Variants in ITGA9 observed in about 807,000 individuals in gnomAD.
ITGA9 encodes the protein integrin subunit alpha 9, also known as integrin alpha-9.
A neutral mutation model predicts 127.8 loss-of-function variants in ITGA9; 56 were observed. The ratio of observed to expected loss-of-function variants is 0.44; its 90% CI spans 0.35 to 0.55. The LOEUF (loss-of-function observed/expected upper bound fraction) is 0.55, where lower values mean the gene tolerates loss of function less well. Among genes scored for constraint, ITGA9 ranks in the 20% least tolerant of loss-of-function variants. The pLI is 0.00. For synonymous variants in ITGA9, 508 were observed against 514.5 expected (o/e 0.99, Z 0.17); for missense variants, 1,196 against 1,347.1 (o/e 0.89, Z 1.76).
At chr3:37,519,122 C>A in intron 10 of ITGA9, 138 bp from the exon 11 acceptor site, 1 of 676,146 alleles carries the variant, frequency 1.5e-6, no homozygotes, top group African/African-American at 1.8e-5. Flanking sequence ...GGGATCTTGT[C>A]CCCAAATTAA....
intron 4 of ITGA9, among the ~76,000 whole-genome samples, chr3:37,485,189 C>CA (rs957276950): frequency 4.5e-4 from 68 of 152,254 alleles, no homozygotes; most frequent in African/African-American, 1.6e-3. Flanking sequence ...GAGCTGCATC[C>CA]AAGTGCAAGG....
chr3:37,609,305 T>C (rs1177533983), intron 15 of ITGA9, among the ~76,000 whole-genome samples: 1 of 152,188 alleles, frequency 6.6e-6, no homozygotes, highest in Non-Finnish European at 1.5e-5. Context: ...TAGGTTTGTA[T>C]TGGAACTATT....
intron 23 of ITGA9, among the ~76,000 whole-genome samples, chr3:37,769,583 A>AC (rs754997169): frequency 1.3e-5 from 2 of 152,058 alleles, no homozygotes; most frequent in Non-Finnish European, 2.9e-5. Flanking sequence ...GGCCACTGCT[A>AC]CCCAGCATTC....
At position 37,779,567 on chromosome 3, in the gene ITGA9, A is replaced by G. The variant is rs150913661; in HGVS notation, c.2668-335A>G. ...GGAAACGTGTCTGTGTTCAAAACTC[A>G]TAAGAATGCTTTCAGAATGCAAAAT... On this transcript the variant is annotated intron_variant, in intron 24 of 27. Transcript: ENST00000264741. Among the ~76,000 whole-genome samples the G allele has an allele frequency of 3.2e-3, 491 of 152,344 alleles. 6 individuals are homozygous for G. Among genetic ancestry groups the G allele is most frequent in the African/African-American group, 0.011 (443 of 41,578 alleles).
At chr3:37,527,043 T>A (rs569249783) in intron 13 of ITGA9, among the ~76,000 whole-genome samples, 15 of 152,190 alleles carry the variant, frequency 9.9e-5, no homozygotes, top group Non-Finnish European at 2.1e-4. Flanking sequence ...GGTGGCCGGG[T>A]TCCAGCCCTG....
chr3:37,692,412 A>AGAGTGTGTGT (rs1553658497), intron 18 of ITGA9, among the ~76,000 whole-genome samples: 96 of 146,068 alleles, frequency 6.6e-4, no homozygotes, highest in African/African-American at 2.3e-3. Context: ...AGAGAGAGAG[A>AGAGTGTGTGT]GTGTGTGTGT....
chr3:37,769,304 C>T (rs752296679), intron 23 of ITGA9, among the ~76,000 whole-genome samples: 46 of 146,740 alleles, frequency 3.1e-4, no homozygotes, highest in Non-Finnish European at 5.5e-4. Context: ...CACCATTGCA[C>T]TCCAGCCTGG....
intron 17 of ITGA9, among the ~76,000 whole-genome samples, chr3:37,668,869 G>A (rs1299271397): frequency 1.3e-5 from 2 of 152,192 alleles, no homozygotes; most frequent in African/African-American, 2.4e-5. Context: ...CACTGGCCAC[G>A]GTGAGACCTG....
At chr3:37,512,131 T>TCCTTCCTTCC (rs1258308200) in intron 8 of ITGA9, among the ~76,000 whole-genome samples, 1 of 10,946 alleles carries the variant, frequency 9.1e-5, no homozygotes, top group Admixed American at 1.5e-3. Context: ...TTTCTTTTCT[T>TCCTTCCTTCC]TTCTTTTCTT....
At chr3:37,552,610 C>CA (rs1442002414) in intron 15 of ITGA9, among the ~76,000 whole-genome samples, 3 of 152,098 alleles carry the variant, frequency 2.0e-5, no homozygotes, top group Non-Finnish European at 4.4e-5. Flanking sequence ...TGGACTTGAG[C>CA]AAACTTTTGA....
At chr3:37,580,594 A>C (rs1213021689) in intron 15 of ITGA9, among the ~76,000 whole-genome samples, 1 of 152,164 alleles carries the variant, frequency 6.6e-6, no homozygotes, top group Non-Finnish European at 1.5e-5. Flanking sequence ...GTGTTTTGTA[A>C]TTCTTTTTTA....
chr3:37,452,642 G>T lies in ITGA9; in HGVS notation c.185+83G>T. 2 of 1,245,602 alleles carry T rather than the reference G, an allele frequency of 1.6e-6. No homozygotes were observed. Among genetic ancestry groups the T allele is most frequent in the Non-Finnish European group, 2.1e-6 (2 of 945,026 alleles). 77.2% of individuals were successfully genotyped at this position (1,245,602 alleles called of 1,614,324 possible). ...GGCCAGCGCCGCCGCCGCCTTTCCG[G>T]TCTCTTCCACGCCGCCGTCCCGAGG... On this transcript the variant is annotated intron_variant, in intron 1 of 27. Coordinates refer to ENST00000264741, the MANE Select transcript of ITGA9 (RefSeq NM_002207.3). This position sits in a 1 kb window ranked among gnomAD's most constrained non-coding sequence, Gnocchi z 7.3.
chr3:37,716,744 T>G (rs1274491697), intron 18 of ITGA9, among the ~76,000 whole-genome samples: 1 of 151,792 alleles, frequency 6.6e-6, no homozygotes, highest in Non-Finnish European at 1.5e-5. Flanking sequence ...AAAGCAACCC[T>G]TACTATTTGT....
At chr3:37,578,966 G>A (rs1290097479) in intron 15 of ITGA9, among the ~76,000 whole-genome samples, 4 of 152,082 alleles carry the variant, frequency 2.6e-5, no homozygotes, top group Non-Finnish European at 4.4e-5. Context: ...GAGATGGTTC[G>A]TAATTGATTA....
chr3:37,501,522 CTGAA>C (rs1236355745), intron 5 of ITGA9, among the ~76,000 whole-genome samples: 3 of 152,146 alleles, frequency 2.0e-5, no homozygotes, highest in Non-Finnish European at 2.9e-5. Context: ...TCGTCTCTGT[CTGAA>C]TGAAGATGAG....
chr3:37,561,050 T>C (rs867033430), intron 15 of ITGA9, among the ~76,000 whole-genome samples: 9 of 152,202 alleles, frequency 5.9e-5, no homozygotes, highest in Non-Finnish European at 1.3e-4. Context: ...GGGCACACCC[T>C]GAGGGCCTCG....
intron 22 of ITGA9, among the ~76,000 whole-genome samples, chr3:37,747,355 G>A (rs748567489): frequency 6.6e-5 from 10 of 151,966 alleles, no homozygotes; most frequent in Non-Finnish European, 1.5e-4. Context: ...ATGTAAAATG[G>A]GGGTATCCAT....
chr3:37,656,218 A>G (rs1245967519), intron 17 of ITGA9, among the ~76,000 whole-genome samples: 4 of 152,178 alleles, frequency 2.6e-5, no homozygotes. Flanking sequence ...AGTTTTTTCT[A>G]ATTCCATGAA....
At chr3:37,688,771 C>T (rs1330992336) in intron 18 of ITGA9, among the ~76,000 whole-genome samples, 2 of 152,164 alleles carry the variant, frequency 1.3e-5, no homozygotes, top group Admixed American at 1.3e-4. Context: ...GCAGGCTCCT[C>T]ACCTGGCTGC....
Sources: gnomAD v4.1 joint callset for allele counts (sites outside exome capture counted in the v4.1 genomes callset) on GRCh38, gnomAD v4.1.1 for gene constraint, Gnocchi (gnomAD v3.1) non-coding constraint, MANE v1.5 for transcripts, NCBI Gene and HGNC (gene_info 2026-07-23, HGNC 2026-07-21) for gene names.